MRPS27: variants seen among roughly 807,000 people sequenced by gnomAD.
MRPS27 encodes mitochondrial ribosomal protein S27, also known as small ribosomal subunit protein mS27.
Under a neutral mutation model 48.9 loss-of-function variants are expected in MRPS27, and 43 were observed. That is an observed-to-expected ratio of 0.88 (90% CI 0.69 to 1.13). The LOEUF (loss-of-function observed/expected upper bound fraction) is 1.13, where lower values mean the gene tolerates loss of function less well. MRPS27 is among the 50% of genes most tolerant of loss of function. The probability of loss-of-function intolerance (pLI) is 0.00; values close to 1 mark genes in which losing one functional copy is unlikely to be tolerated. For missense variants in MRPS27, 467 were observed against 476.3 expected (o/e 0.98, Z 0.18); for synonymous variants, 188 against 171.9 (o/e 1.09, Z -0.73).
chr5:72,241,704 C>T (rs1748355669), intron 4 of MRPS27: 3 of 1,534,976 alleles, frequency 2.0e-6, no homozygotes, highest in East Asian at 4.9e-5. Context: ...AGAAGAAAGG[C>T]AAAGAGAAAA....
intron 4 of MRPS27, among the ~76,000 whole-genome samples, chr5:72,271,061 T>C (rs1474193103): frequency 2.0e-5 from 3 of 152,212 alleles, no homozygotes; most frequent in African/African-American, 7.2e-5. Context: ...ATATTTTCTC[T>C]CTAAGATTGG....
At chr5:72,251,098 T>C (rs1459375044) in intron 4 of MRPS27, among the ~76,000 whole-genome samples, 1 of 152,238 alleles carries the variant, frequency 6.6e-6, no homozygotes, top group Non-Finnish European at 1.5e-5. Flanking sequence ...TAAGGGCCAC[T>C]GAGTTAAGTA....
chr5:72,296,473 T>C (rs1451242739), intron 3 of MRPS27, among the ~76,000 whole-genome samples: 2 of 152,194 alleles, frequency 1.3e-5, no homozygotes, highest in Non-Finnish European at 2.9e-5. Context: ...TGGGACTTGG[T>C]TGCTCCATCT....
At chr5:72,294,883 T>A (rs1749935401) in intron 4 of MRPS27, 1 of 152,014 alleles carries the variant, frequency 6.6e-6, no homozygotes, top group African/African-American at 2.4e-5. Context: ...AGCACCAACA[T>A]GATGTTCAAA....
Position 72,277,579 on chromosome 5 carries a change from G to C in MRPS27, c.281+17952C>G, listed in dbSNP as rs528263943. ...AGATCTTGCCACTGCACTCCAGCCTGGCCACAGAGTGAGACTCCGTCTCAA... is the reference window on the plus strand; with the variant it reads ...AGATCTTGCCACTGCACTCCAGCCTCGCCACAGAGTGAGACTCCGTCTCAA... On this transcript the variant is annotated intron_variant, in intron 4 of 10. Coordinates refer to ENST00000261413, the MANE Select transcript of MRPS27 (RefSeq NM_015084.3). Among the ~76,000 whole-genome samples, 14 of 151,948 alleles carry C rather than the reference G, an allele frequency of 9.2e-5. No homozygotes were observed. In the South Asian group the frequency reaches 2.7e-3, roughly 29 times the overall value.
At chr5:72,233,274 G>A (rs1481729894) in intron 6 of MRPS27, among the ~76,000 whole-genome samples, 1 of 152,076 alleles carries the variant, frequency 6.6e-6, no homozygotes, top group Non-Finnish European at 1.5e-5. Context: ...CATTAATGCT[G>A]GTCATTAAAG....
chr5:72,256,292 T>C (rs1748804648), intron 4 of MRPS27, among the ~76,000 whole-genome samples: 1 of 152,188 alleles, frequency 6.6e-6, no homozygotes, highest in Non-Finnish European at 1.5e-5. Flanking sequence ...AGCATGCACT[T>C]TACATTTAAG....
chr5:72,286,324 A>C (rs887251316), intron 4 of MRPS27, among the ~76,000 whole-genome samples: 3 of 152,200 alleles, frequency 2.0e-5, no homozygotes, highest in Non-Finnish European at 4.4e-5. Context: ...AAGGGCTTAC[A>C]CTACCTAATT....
At chr5:72,255,196 A>G (rs7380512) in intron 4 of MRPS27, among the ~76,000 whole-genome samples, 137,018 of 151,502 alleles carry the variant, frequency 0.9, 62,327 homozygotes, top group African/African-American at 0.98. Flanking sequence ...GATTACGGGC[A>G]TGTGCCACCA....
At chr5:72,224,871 C>T (rs899661588) in intron 9 of MRPS27, among the ~76,000 whole-genome samples, 1 of 152,186 alleles carries the variant, frequency 6.6e-6, no homozygotes, top group African/African-American at 2.4e-5. Context: ...ATATTAACAA[C>T]AGCAAGGCCA....
rs114986053 is a variant in MRPS27 at position 72,311,741 on chromosome 5, G to A, written c.151+2340C>T. ...CTCTCTAACTGTAAGAAATAAATTC[G>A]TTTTCTTGATAAATGATCCAGTTTC... is the stretch of plus-strand genomic sequence containing the variant. On this transcript the variant is annotated intron_variant, in intron 2 of 10. Transcript: ENST00000261413. Among the ~76,000 whole-genome samples, 841 of 152,262 alleles carry A rather than the reference G, an allele frequency of 5.5e-3. 6 individuals carry two copies. Among genetic ancestry groups the A allele is most frequent in the Non-Finnish European group, 9.0e-3 (612 of 68,020 alleles).
At chr5:72,309,534 T>C (rs895622628) in intron 2 of MRPS27, among the ~76,000 whole-genome samples, 1 of 152,142 alleles carries the variant, frequency 6.6e-6, no homozygotes, top group Non-Finnish European at 1.5e-5. Flanking sequence ...GCTGGGATTA[T>C]AGGCGTGTGC....
At chr5:72,274,151 C>T (rs572189275) in intron 4 of MRPS27, among the ~76,000 whole-genome samples, 2 of 152,174 alleles carry the variant, frequency 1.3e-5, no homozygotes, top group East Asian at 3.9e-4. Flanking sequence ...GTCAGGAGTT[C>T]GAGACCAGTC....
chr5:72,264,649 A>C (rs1022701274), intron 4 of MRPS27, among the ~76,000 whole-genome samples: 2 of 152,212 alleles, frequency 1.3e-5, no homozygotes, highest in Non-Finnish European at 2.9e-5. Context: ...GGAGAGTGCC[A>C]TGTGATGGCA....
chr5:72,308,217 GAA>G (rs1168469161), intron 2 of MRPS27, among the ~76,000 whole-genome samples: 2 of 152,188 alleles, frequency 1.3e-5, no homozygotes, highest in African/African-American at 4.8e-5. Context: ...CCACGAGGAC[GAA>G]GAGAGGGGGC....
At chr5:72,291,178 G>A (rs1377445249) in intron 4 of MRPS27, among the ~76,000 whole-genome samples, 1 of 152,094 alleles carries the variant, frequency 6.6e-6, no homozygotes, top group Non-Finnish European at 1.5e-5. Context: ...GTCTTACTTG[G>A]TAAGGTCTAA....
rs1301852670 is a variant in MRPS27 at position 72,297,689 on chromosome 5, A to C, written c.165T>G (p.Ser55=). ...KEHYCLADLA[S]LMDKTFERKL... is the part of the protein sequence containing the mutation. ...TTCTCTCAAATGTTTTATCCATTAA[A>C]GATGCAAGATCAGCTGTGAAGACAA... Residue 55 remains serine, a synonymous_variant, in exon 3 of 11, where the codon TCT becomes TCG. Coordinates refer to ENST00000261413, the MANE Select transcript of MRPS27 (RefSeq NM_015084.3). 1 of 1,600,438 alleles carries C rather than the reference A, an allele frequency of 6.2e-7. No homozygotes were observed. The highest frequency in any genetic ancestry group is 2.3e-5 in the East Asian group (1 of 44,388).
chr5:72,285,940 A>T (rs1033777748), intron 4 of MRPS27, among the ~76,000 whole-genome samples: 6 of 152,200 alleles, frequency 3.9e-5, no homozygotes, highest in Non-Finnish European at 5.9e-5. Context: ...TCCCGTATAA[A>T]CAGAGCTGAA....
Position 72,292,213 on chromosome 5 carries a change from T to TG in MRPS27, c.281+3317_281+3318insC, listed in dbSNP as rs1177045281. On this transcript the variant is annotated intron_variant, in intron 4 of 10. Transcript: ENST00000261413. ...ATATGGGTATTACCAGTTTTTTTTT[T>TG]TTTTTTTTTTTGGCCAATGAATATA... 6.0e-5 allele frequency among the ~76,000 whole-genome samples: 9 copies of TG among 149,050 alleles called. 1 individual carries two copies. The highest frequency in any genetic ancestry group is 2.2e-4 in the African/African-American group (9 of 40,036).
Sources: allele counts gnomAD v4.1 joint callset (sites outside exome capture counted in the v4.1 genomes callset), GRCh38; gene constraint gnomAD v4.1.1; transcripts MANE v1.5; gene names NCBI Gene and HGNC (gene_info 2026-07-23, HGNC 2026-07-21).